PRKCA: variants seen among roughly 807,000 people sequenced by gnomAD.
PRKCA encodes protein kinase C alpha.
In PRKCA, 27 loss-of-function variants were observed where a neutral mutation model predicts 87.0. That is an observed-to-expected ratio of 0.31 (90% CI 0.23 to 0.43). The LOEUF (loss-of-function observed/expected upper bound fraction) is 0.43, where lower values mean the gene tolerates loss of function less well. Ranked by LOEUF, PRKCA falls within the 20% of genes least tolerant of loss-of-function variation. The pLI is 1.00. For missense variants in PRKCA, 518 were observed against 852.3 expected, an observed-to-expected ratio of 0.61 and a Z score of 4.88; for synonymous variants, 329 against 311.1, an observed-to-expected ratio of 1.06 and a Z score of -0.61.
At chr17:66,692,713 C>T (rs1972817171) in intron 8 of PRKCA, among the ~76,000 whole-genome samples, 1 of 152,164 alleles carries the variant, frequency 6.6e-6, no homozygotes, top group South Asian at 2.1e-4. Context: ...GGCCCTTTCT[C>T]GCCAACTAAC....
chr17:66,796,866 C>T (rs1975682441), intron 16 of PRKCA: 3 of 985,256 alleles, frequency 3.0e-6, no homozygotes, highest in Middle Eastern at 5.2e-4. Context: ...CGATGAAGTA[C>T]CTCCTGCATT....
At chr17:66,662,022 C>G (rs1178038003) in intron 5 of PRKCA, among the ~76,000 whole-genome samples, 1 of 152,248 alleles carries the variant, frequency 6.6e-6, no homozygotes, top group African/African-American at 2.4e-5. Context: ...TAGTTGGCAG[C>G]ATGCTAACAA....
intron 2 of PRKCA, among the ~76,000 whole-genome samples, chr17:66,345,898 C>G (rs1225202389): frequency 6.6e-6 from 1 of 152,086 alleles, no homozygotes; most frequent in South Asian, 2.1e-4. Context: ...AGCACAGTGC[C>G]TGGCATATAA....
chr17:66,619,737 A>G (rs1970621431), intron 3 of PRKCA, among the ~76,000 whole-genome samples: 1 of 152,202 alleles, frequency 6.6e-6, no homozygotes, highest in Non-Finnish European at 1.5e-5. Context: ...GAAAAACCTC[A>G]TTAAGCAGAC....
At chr17:66,772,668 A>G (rs980528085) in intron 13 of PRKCA, among the ~76,000 whole-genome samples, 1 of 152,124 alleles carries the variant, frequency 6.6e-6, no homozygotes, top group African/African-American at 2.4e-5. Flanking sequence ...TAATGAAGCC[A>G]GTGTTTTAAT....
chr17:66,550,713 A>G (rs1968299777), intron 3 of PRKCA, among the ~76,000 whole-genome samples: 1 of 152,142 alleles, frequency 6.6e-6, no homozygotes, highest in East Asian at 1.9e-4. Context: ...CAGTGCGGGC[A>G]AAGGAAAGCA....
In PRKCA at chr17:66,669,564, G is replaced by C. The variant is rs1426455431; in HGVS notation, c.530-17547G>C. Among the ~76,000 whole-genome samples the C allele has an allele frequency of 3.9e-5, 6 of 152,170 alleles. No homozygotes were observed. In the East Asian group the frequency reaches 1.2e-3, roughly 29 times the overall value. ...ATGGAGCATTCAAATGAAAAGGAATGCACTCTGTTCCTACAAAATTAACCA... is the reference window on the plus strand; with the variant it reads ...ATGGAGCATTCAAATGAAAAGGAATCCACTCTGTTCCTACAAAATTAACCA... On this transcript the variant is annotated intron_variant, in intron 5 of 16. Coordinates refer to ENST00000413366, the MANE Select transcript of PRKCA (RefSeq NM_002737.3).
chr17:66,310,812 T>G (rs1368502208), intron 2 of PRKCA, among the ~76,000 whole-genome samples: 1 of 152,144 alleles, frequency 6.6e-6, no homozygotes, highest in Non-Finnish European at 1.5e-5. Context: ...GGATGCGCCG[T>G]TGTCCTCATC....
chr17:66,476,922 G>A (rs1205014566), intron 2 of PRKCA, among the ~76,000 whole-genome samples: 4 of 152,206 alleles, frequency 2.6e-5, no homozygotes, highest in Non-Finnish European at 5.9e-5. Context: ...GAAGCTTCAC[G>A]TACATCATCC....
intron 3 of PRKCA, among the ~76,000 whole-genome samples, chr17:66,503,663 T>A (rs895061980): frequency 6.6e-6 from 1 of 152,228 alleles, no homozygotes; most frequent in Non-Finnish European, 1.5e-5. Flanking sequence ...TTGCTTTCTT[T>A]TCTTTACTAC....
At chr17:66,509,287 C>T (rs1032301344) in intron 3 of PRKCA, among the ~76,000 whole-genome samples, 2 of 151,800 alleles carry the variant, frequency 1.3e-5, no homozygotes, top group Non-Finnish European at 2.9e-5. Context: ...GGTGAGCTGG[C>T]AAGTTGGAGA....
At chr17:66,603,599 T>G (rs572070848) in intron 3 of PRKCA, among the ~76,000 whole-genome samples, 8 of 152,306 alleles carry the variant, frequency 5.3e-5, no homozygotes, top group African/African-American at 1.9e-4. Flanking sequence ...GTTTTTATTG[T>G]GGTGAAATAT....
chr17:66,662,196 A>C (rs1294194749), intron 5 of PRKCA, among the ~76,000 whole-genome samples: 1 of 152,166 alleles, frequency 6.6e-6, no homozygotes, highest in African/African-American at 2.4e-5. Flanking sequence ...TTTGTAAACC[A>C]TGTGGATGAT....
chr17:66,337,996 A>T (rs1053276900), intron 2 of PRKCA, among the ~76,000 whole-genome samples: 1 of 150,224 alleles, frequency 6.7e-6, no homozygotes, highest in South Asian at 2.1e-4. Flanking sequence ...GAACCTGGGA[A>T]TCTTCCCCCC....
chr17:66,482,867 T>G (rs1915844778), intron 2 of PRKCA, among the ~76,000 whole-genome samples: 1 of 152,248 alleles, frequency 6.6e-6, no homozygotes, highest in African/African-American at 2.4e-5. Flanking sequence ...ATTTGGCAAC[T>G]TCTATTTCCT....
At chr17:66,622,156 T>C (rs1345623553) in intron 3 of PRKCA, among the ~76,000 whole-genome samples, 1 of 152,172 alleles carries the variant, frequency 6.6e-6, no homozygotes, top group East Asian at 1.9e-4. Context: ...ACCACTGCAC[T>C]TCAGCCTGGG....
At position 66,380,344 on chromosome 17, in the gene PRKCA, T is replaced by C. The variant is rs371547413; in HGVS notation, c.205+74217T>C. ...GTAGTTTTACTCAGGGAGTAAGTGA[T>C]GTATCTCCTCAGGTTCCTAATAATT... On this transcript the variant is annotated intron_variant, in intron 2 of 16. Transcript: ENST00000413366. 2.6e-5 allele frequency among the ~76,000 whole-genome samples: 4 copies of C among 152,304 alleles called. No individual in the cohort carries two copies. In the South Asian group the frequency reaches 8.3e-4, roughly 32 times the overall value.
chr17:66,313,016 G>A (rs567649956), intron 2 of PRKCA, among the ~76,000 whole-genome samples: 27 of 152,208 alleles, frequency 1.8e-4, no homozygotes, highest in African/African-American at 6.3e-4. Context: ...TGGGATTACA[G>A]GCGTGAGCTC....
chr17:66,788,906 A>G lies in PRKCA; in HGVS notation c.1781A>G (p.His594Arg), dbSNP rs1975465062. The G allele has an allele frequency of 1.2e-6, 2 of 1,614,032 alleles. No homozygotes were observed. The highest frequency in any genetic ancestry group is 1.7e-6 in the Non-Finnish European group (2 of 1,180,012). ...GPEGERDVRE[H>R]AFFRRIDWEK... ...GAGGGGGAGAGGGACGTGAGAGAGC[A>G]TGCCTTCTTCCGGAGGATCGACTGG... Residue 594 changes from histidine (H) to arginine (R), a missense_variant, in exon 16 of 17, where the codon CAT becomes CGT. Physicochemically the swap from His to Arg is conservative, Grantham distance 29. This residue lies in a region of PRKCA where 159 missense variants were observed against 232.4 expected (regional missense o/e 0.68). Coordinates refer to ENST00000413366, the MANE Select transcript of PRKCA (RefSeq NM_002737.3).
Sources: gnomAD v4.1 joint callset for allele counts (sites outside exome capture counted in the v4.1 genomes callset) on GRCh38, gnomAD v4.1.1 for gene constraint, gnomAD v4.1.1 regional missense constraint, MANE v1.5 for transcripts, NCBI Gene and HGNC (gene_info 2026-07-23, HGNC 2026-07-21) for gene names.